The following ASAP1 variants were observed in gnomAD, a reference collection of about 807,000 sequenced individuals.
ASAP1 encodes the protein ArfGAP with SH3 domain, ankyrin repeat and PH domain 1, also known as arf-GAP with SH3 domain, ANK repeat and PH domain-containing protein 1.
A neutral mutation model predicts 145.2 loss-of-function variants in ASAP1; 43 were observed. The observed-to-expected ratio is 0.30, with a 90% CI of 0.23 to 0.38. The LOEUF (loss-of-function observed/expected upper bound fraction) is 0.38, where lower values mean the gene tolerates loss of function less well. ASAP1 is among the 10% of genes least tolerant of loss of function. The pLI is 1.00. For missense variants in ASAP1, 1,018 were observed against 1,355.3 expected, an observed-to-expected ratio of 0.75 and a Z score of 3.91; for synonymous variants, 546 against 515.5, an observed-to-expected ratio of 1.06 and a Z score of -0.80.
At chr8:130,148,873 C>A (rs1015693186) in intron 13 of ASAP1, among the ~76,000 whole-genome samples, 1 of 151,948 alleles carries the variant, frequency 6.6e-6, no homozygotes, top group Non-Finnish European at 1.5e-5. Context: ...CTGGCTCTGT[C>A]GCCCAGGCTG....
At chr8:130,321,535 A>G (rs141913119) in intron 3 of ASAP1, among the ~76,000 whole-genome samples, 3 of 152,298 alleles carry the variant, frequency 2.0e-5, no homozygotes, top group Non-Finnish European at 4.4e-5. Context: ...CAGCTTTTCC[A>G]CAAAGTATCC....
Position 130,141,626 on chromosome 8 carries a change from C to G in ASAP1, c.1081-4588G>C, listed in dbSNP as rs1241607334. Among the ~76,000 whole-genome samples, 6 of 152,212 alleles carry G rather than the reference C, an allele frequency of 3.9e-5. 1 individual carries two copies. The highest frequency in any genetic ancestry group is 3.9e-4 in the Admixed American group (6 of 15,284). ...GTACTAGCAAGATCATGGCTCATGG[C>G]AGCCTTGACCTCCCAGGCGAAGTGA... is the stretch of plus-strand genomic sequence containing the variant. On this transcript the variant is annotated intron_variant, in intron 13 of 29. Transcript: ENST00000518721.
intron 10 of ASAP1, among the ~76,000 whole-genome samples, chr8:130,168,387 G>A (rs2097684464): frequency 6.6e-6 from 1 of 152,192 alleles, no homozygotes; most frequent in African/African-American, 2.4e-5. Flanking sequence ...GCTCACGCTT[G>A]TAATCCCAGC....
chr8:130,194,917 G>A (rs1815377536), intron 5 of ASAP1, among the ~76,000 whole-genome samples: 1 of 152,164 alleles, frequency 6.6e-6, no homozygotes, highest in South Asian at 2.1e-4. Flanking sequence ...GCAAACTGAT[G>A]TGTAACAGTC....
At chr8:130,070,918 A>G (rs1207293969) in intron 27 of ASAP1, among the ~76,000 whole-genome samples, 23 of 30,290 alleles carry the variant, frequency 7.6e-4, no homozygotes, top group East Asian at 1.4e-3. Flanking sequence ...AGAGAGGGGG[A>G]GAGAGAGGGG....
Position 130,265,520 on chromosome 8 carries a change from C to T in ASAP1, c.187-28526G>A, listed in dbSNP as rs1467852600. Among the ~76,000 whole-genome samples, 8 of 149,890 alleles carry T rather than the reference C, an allele frequency of 5.3e-5. No individual in the cohort carries two copies. The Admixed American group carries it at 5.3e-4, about 10-fold the overall frequency. Reference sequence around the variant, plus strand: ...TCTAGGAGTTCAAGGCTGCAGTGAGCTATGATGGTGCCACTGCACTCCAGC... The same window carrying T: ...TCTAGGAGTTCAAGGCTGCAGTGAGTTATGATGGTGCCACTGCACTCCAGC... On this transcript the variant is annotated intron_variant, in intron 3 of 29. Transcript: ENST00000518721.
intron 3 of ASAP1, among the ~76,000 whole-genome samples, chr8:130,277,543 CT>C (rs1820987018): frequency 6.6e-6 from 1 of 152,116 alleles, no homozygotes; most frequent in Admixed American, 6.5e-5. Flanking sequence ...TTGAAAACTC[CT>C]AAAGACAAGC....
chr8:130,101,569 C>A (rs1401542250), intron 24 of ASAP1, among the ~76,000 whole-genome samples: 2 of 151,160 alleles, frequency 1.3e-5, no homozygotes, highest in African/African-American at 4.9e-5. Context: ...ATTGCTTTCT[C>A]AATTTTTCTT....
intron 11 of ASAP1, among the ~76,000 whole-genome samples, chr8:130,163,968 T>C (rs1380350086): frequency 6.6e-6 from 1 of 152,360 alleles, no homozygotes. Context: ...TATACATTCA[T>C]TGATTTAATG....
intron 3 of ASAP1, among the ~76,000 whole-genome samples, chr8:130,334,293 G>C (rs56405390): frequency 0.026 from 3,982 of 152,248 alleles, 64 homozygotes; most frequent in Middle Eastern, 0.044. Flanking sequence ...CATCAAATAT[G>C]TTCCTTGGGT....
intron 7 of ASAP1, among the ~76,000 whole-genome samples, chr8:130,184,628 A>C (rs1814594582): frequency 6.6e-6 from 1 of 152,258 alleles, no homozygotes; most frequent in South Asian, 2.1e-4. Context: ...TTCTATGATA[A>C]ACTTTAACAA....
At chr8:130,318,155 CATTGTAGCCTTG>C (rs1565202911) in intron 3 of ASAP1, among the ~76,000 whole-genome samples, 1 of 152,200 alleles carries the variant, frequency 6.6e-6, no homozygotes. Flanking sequence ...AGTCACAGCT[CATTGTAGCCTTG>C]ACCGCCCAGG....
At chr8:130,300,184 A>AGAGAGAGAGC (rs761456724) in intron 3 of ASAP1, among the ~76,000 whole-genome samples, 9 of 140,364 alleles carry the variant, frequency 6.4e-5, no homozygotes, top group African/African-American at 2.2e-4. Flanking sequence ...AGAGAGAGAG[A>AGAGAGAGAGC]GAGCGAGCGA....
chr8:130,135,009 C>A (rs183346668), intron 14 of ASAP1, among the ~76,000 whole-genome samples: 2 of 152,246 alleles, frequency 1.3e-5, no homozygotes, highest in African/African-American at 4.8e-5. Context: ...TCTCTGCTAT[C>A]CATGTAAGGG....
intron 29 of ASAP1, 132 bp from the exon 30 acceptor site, chr8:130,054,937 A>C: frequency 2.8e-6 from 2 of 719,626 alleles, no homozygotes; most frequent in Non-Finnish European, 2.5e-6. Flanking sequence ...CCTTCTTCCC[A>C]CCCTTTAGTG....
At chr8:130,304,802 T>C (rs1250100335) in intron 3 of ASAP1, among the ~76,000 whole-genome samples, 1 of 152,206 alleles carries the variant, frequency 6.6e-6, no homozygotes, top group East Asian at 1.9e-4. Context: ...CCGTTTTAAG[T>C]GTAAATATGG....
intron 5 of ASAP1, among the ~76,000 whole-genome samples, chr8:130,208,205 T>A (rs1038958324): frequency 2.6e-5 from 4 of 152,162 alleles, no homozygotes; most frequent in African/African-American, 9.7e-5. Flanking sequence ...CAGTACATTA[T>A]CAAAACGAAA....
intron 20 of ASAP1, 99 bp downstream of exon 20, chr8:130,118,062 A>G: frequency 1.0e-6 from 1 of 978,474 alleles, no homozygotes; most frequent in Non-Finnish European, 1.5e-6. Context: ...TGACACAGAA[A>G]AAGCTTGCCA....
At chr8:130,276,760 T>TCTCTCTCTCTCTCCCC (rs1333515760) in intron 3 of ASAP1, among the ~76,000 whole-genome samples, 1 of 130,330 alleles carries the variant, frequency 7.7e-6, no homozygotes, top group Non-Finnish European at 1.6e-5. Flanking sequence ...TCTCTCTCTC[T>TCTCTCTCTCTCTCCCC]CCTCTAACAA....
Sources: gnomAD v4.1 joint callset for allele counts (sites outside exome capture counted in the v4.1 genomes callset) on GRCh38, gnomAD v4.1.1 for gene constraint, MANE v1.5 for transcripts, NCBI Gene and HGNC (gene_info 2026-07-23, HGNC 2026-07-21) for gene names.